Variants in SCHIP1 observed in about 807,000 individuals in gnomAD.
SCHIP1 encodes schwannomin-interacting protein 1.
SCHIP1 carries 8 observed loss-of-function variants against 29.7 expected under a neutral mutation model. That is an observed-to-expected ratio of 0.27 (90% CI 0.16 to 0.49). The LOEUF is 0.49. SCHIP1 is among the 20% of genes least tolerant of loss of function. The probability of loss-of-function intolerance (pLI) is 0.99; values close to 1 mark genes in which losing one functional copy is unlikely to be tolerated. For synonymous variants in SCHIP1, 76 were observed against 94.9 expected, an observed-to-expected ratio of 0.80 and a Z score of 1.16; for missense variants, 193 against 294.6, an observed-to-expected ratio of 0.66 and a Z score of 2.52.
At chr3:159,715,813 T>C in the SCHIP1 span, among the ~76,000 whole-genome samples, 63 of 152,290 alleles carry the variant, frequency 4.1e-4, 1 homozygote, top group South Asian at 8.9e-3. Flanking sequence ...TGGAACCAAG[T>C]TGGAAAACAC....
the SCHIP1 span, among the ~76,000 whole-genome samples, chr3:159,671,205 T>C: frequency 6.6e-6 from 1 of 152,156 alleles, no homozygotes; most frequent in Non-Finnish European, 1.5e-5. Flanking sequence ...AGTCACACCA[T>C]ACATTTTTGC....
At chr3:159,690,690 G>A in the SCHIP1 span, among the ~76,000 whole-genome samples, 1 of 151,948 alleles carries the variant, frequency 6.6e-6, no homozygotes, top group African/African-American at 2.4e-5. Context: ...GTGATGTTAG[G>A]GTGTCAATTT....
the SCHIP1 span, among the ~76,000 whole-genome samples, chr3:159,391,717 C>T: frequency 6.6e-6 from 1 of 152,158 alleles, no homozygotes; most frequent in Non-Finnish European, 1.5e-5. Context: ...TTTTATTTCT[C>T]TTTGCCCTTC....
At chr3:159,868,378 T>C (rs1430180160) in intron 2 of SCHIP1, among the ~76,000 whole-genome samples, 1 of 152,076 alleles carries the variant, frequency 6.6e-6, no homozygotes, top group Non-Finnish European at 1.5e-5. Context: ...TATAAAAAGA[T>C]AGTGATTTAG....
chr3:159,788,756 A>G, the SCHIP1 span, among the ~76,000 whole-genome samples: 1 of 152,358 alleles, frequency 6.6e-6, no homozygotes, highest in Admixed American at 6.5e-5. Flanking sequence ...AATGTAGGAT[A>G]CATGCATTAA....
the SCHIP1 span, among the ~76,000 whole-genome samples, chr3:159,465,073 GTCC>G: frequency 2.0e-5 from 3 of 152,068 alleles, no homozygotes; most frequent in African/African-American, 4.8e-5. Flanking sequence ...CAGGGATGCT[GTCC>G]TCCTCTCCAC....
At chr3:159,439,023 G>A in the SCHIP1 span, among the ~76,000 whole-genome samples, 1 of 152,136 alleles carries the variant, frequency 6.6e-6, no homozygotes, top group Non-Finnish European at 1.5e-5. Flanking sequence ...AGATTGCAGG[G>A]TCAAGTGGTA....
At chr3:159,626,998 C>T in the SCHIP1 span, among the ~76,000 whole-genome samples, 2 of 152,146 alleles carry the variant, frequency 1.3e-5, no homozygotes, top group African/African-American at 4.8e-5. Context: ...ACCCCACGTG[C>T]ATTAGGTATT....
At chr3:159,776,822 AC>A in the SCHIP1 span, among the ~76,000 whole-genome samples, 1 of 152,154 alleles carries the variant, frequency 6.6e-6, no homozygotes, top group Non-Finnish European at 1.5e-5. Context: ...TTTTTAGTAA[AC>A]AATCACACTG....
chr3:159,550,288 G>C, the SCHIP1 span, among the ~76,000 whole-genome samples: 9 of 151,680 alleles, frequency 5.9e-5, no homozygotes, highest in African/African-American at 2.2e-4. Context: ...TAAATTTTTT[G>C]ACTGTTTATT....
intron 3 of SCHIP1, chr3:159,887,494 T>G (rs1420636130): frequency 1.9e-6 from 1 of 540,028 alleles, no homozygotes; most frequent in Non-Finnish European, 3.3e-6. Flanking sequence ...TTCCCATTAT[T>G]AACTATACTG....
At chr3:159,395,325 T>C in the SCHIP1 span, among the ~76,000 whole-genome samples, 1 of 152,230 alleles carries the variant, frequency 6.6e-6, no homozygotes, top group South Asian at 2.1e-4. Flanking sequence ...TTCCTTCAGT[T>C]CTGCTCTGAT....
At chr3:159,562,367 G>T in the SCHIP1 span, among the ~76,000 whole-genome samples, 1 of 152,178 alleles carries the variant, frequency 6.6e-6, no homozygotes, top group Non-Finnish European at 1.5e-5. Flanking sequence ...CCAGAAGATT[G>T]TCCCACCTCC....
At chr3:159,350,836 T>C in the SCHIP1 span, among the ~76,000 whole-genome samples, 1 of 152,128 alleles carries the variant, frequency 6.6e-6, no homozygotes, top group Non-Finnish European at 1.5e-5. Flanking sequence ...AGCCCTCATG[T>C]AGTACATTGC....
Position 159,895,428 on chromosome 3 carries a change from T to A in SCHIP1, c.684-1295T>A, listed in dbSNP as rs76318601. 8.5e-3 allele frequency among the ~76,000 whole-genome samples: 1,289 copies of A among 152,324 alleles called. 21 individuals carry two copies. Among genetic ancestry groups the A allele is most frequent in the African/African-American group, 0.024 (1,007 of 41,572 alleles). On this transcript the variant is annotated intron_variant, in intron 6 of 6. Transcript: ENST00000445224. Reference sequence around the variant, plus strand: ...CACACACAAACTATTCCTAAACGTTTGATTATAGCTGGAAACCACAGCCCT... The same window carrying A: ...CACACACAAACTATTCCTAAACGTTAGATTATAGCTGGAAACCACAGCCCT...
At chr3:159,463,540 G>A in the SCHIP1 span, among the ~76,000 whole-genome samples, 13 of 152,144 alleles carry the variant, frequency 8.5e-5, no homozygotes, top group Admixed American at 5.2e-4. Context: ...GCAGAGATGG[G>A]ATTCAAACCT....
At chr3:159,725,253 C>T in the SCHIP1 span, among the ~76,000 whole-genome samples, 7 of 150,094 alleles carry the variant, frequency 4.7e-5, no homozygotes, top group Non-Finnish European at 1.0e-4. Flanking sequence ...ACTAAATCCA[C>T]TTTTTCTTTT....
chr3:159,879,780 C>T (rs1430973157), intron 2 of SCHIP1, among the ~76,000 whole-genome samples: 1 of 152,106 alleles, frequency 6.6e-6, no homozygotes, highest in African/African-American at 2.4e-5. Context: ...AACCAACAGC[C>T]GTCTGAGGAA....
chr3:159,540,919 A>G, the SCHIP1 span, among the ~76,000 whole-genome samples: 2 of 152,068 alleles, frequency 1.3e-5, no homozygotes, highest in South Asian at 2.1e-4. Flanking sequence ...CTTGCCTGTC[A>G]AGGGAAAGAA....
Sources: allele counts gnomAD v4.1 joint callset (sites outside exome capture counted in the v4.1 genomes callset), GRCh38; gene constraint gnomAD v4.1.1; transcripts MANE v1.5; gene names NCBI Gene and HGNC (gene_info 2026-07-23, HGNC 2026-07-21).